The following PHKB variants were observed in gnomAD, a reference collection of about 807,000 sequenced individuals.
The protein encoded by PHKB is phosphorylase kinase regulatory subunit beta, also known as phosphorylase b kinase regulatory subunit beta.
PHKB carries 122 observed loss-of-function variants against 152.1 expected under a neutral mutation model. That is an observed-to-expected ratio of 0.80 (90% CI 0.69 to 0.93). PHKB has a LOEUF of 0.93. Among genes scored for constraint, PHKB ranks in the 40% least tolerant of loss-of-function variants. The pLI, the probability that PHKB is intolerant of heterozygous loss-of-function variation, is 0.00. For synonymous variants in PHKB, 436 were observed against 464.9 expected, an observed-to-expected ratio of 0.94 and a Z score of 0.80; for missense variants, 1,304 against 1,328.4, an observed-to-expected ratio of 0.98 and a Z score of 0.29.
Position 47,587,655 on chromosome 16 carries a change from T to C in PHKB, c.775-13T>C. On this transcript the variant is annotated splice_polypyrimidine_tract_variant and intron_variant, in intron 8 of 30. Coordinates refer to ENST00000323584, the MANE Select transcript of PHKB (RefSeq NM_000293.3). ...TCTTAATTTAGGAAATGTTTTTCTTTTTCTCTGTCCAGGGCTGTTCGTGGT... is the reference window on the plus strand; with the variant it reads ...TCTTAATTTAGGAAATGTTTTTCTTCTTCTCTGTCCAGGGCTGTTCGTGGT... 2 of 1,603,210 alleles carry C rather than the reference T, an allele frequency of 1.2e-6. No individual in the cohort carries two copies. Among genetic ancestry groups the C allele is most frequent in the Non-Finnish European group, 1.7e-6 (2 of 1,170,604 alleles).
At chr16:47,504,126 G>A (rs962448698) in intron 4 of PHKB, among the ~76,000 whole-genome samples, 8 of 152,182 alleles carry the variant, frequency 5.3e-5, no homozygotes, top group Non-Finnish European at 1.0e-4. Flanking sequence ...AGGAGACAAA[G>A]CATAATCAGC....
chr16:47,602,542 C>CTTTTTTTT (rs34655174), intron 13 of PHKB, among the ~76,000 whole-genome samples: 494 of 122,500 alleles, frequency 4.0e-3, no homozygotes, highest in African/African-American at 5.6e-3. Context: ...GCTTCTCTTC[C>CTTTTTTTT]TTTTTTTTTT....
At chr16:47,587,430 A>G (rs1024071104) in intron 8 of PHKB, among the ~76,000 whole-genome samples, 5 of 152,208 alleles carry the variant, frequency 3.3e-5, no homozygotes, top group Non-Finnish European at 1.5e-5. Flanking sequence ...TTGATTTATA[A>G]GAAAGTCAAG....
chr16:47,629,299 T>C (rs1216811221), intron 14 of PHKB, among the ~76,000 whole-genome samples: 2 of 151,846 alleles, frequency 1.3e-5, no homozygotes, highest in Non-Finnish European at 2.9e-5. Flanking sequence ...ATATCCAGAA[T>C]CTACAATGAA....
At chr16:47,596,664 T>G in intron 13 of PHKB, 133 bp downstream of exon 13, 2 of 753,190 alleles carry the variant, frequency 2.7e-6, no homozygotes, top group Non-Finnish European at 4.6e-6. Flanking sequence ...GGGAGTTTCC[T>G]AGTATCTAGT....
At chr16:47,695,291 T>C (rs996337216) in intron 28 of PHKB, among the ~76,000 whole-genome samples, 4 of 152,244 alleles carry the variant, frequency 2.6e-5, no homozygotes, top group African/African-American at 9.6e-5. Context: ...AAAAAATTAA[T>C]GTGAAACCAA....
chr16:47,690,233 C>T (rs1974036300), intron 27 of PHKB, among the ~76,000 whole-genome samples: 1 of 152,078 alleles, frequency 6.6e-6, no homozygotes, highest in South Asian at 2.1e-4. Flanking sequence ...TATAATCACA[C>T]CTGTAGTTTA....
chr16:47,557,292 C>G (rs1302451550), intron 7 of PHKB, among the ~76,000 whole-genome samples: 3 of 141,878 alleles, frequency 2.1e-5, no homozygotes, highest in Non-Finnish European at 4.6e-5. Flanking sequence ...AGAAGAAAAC[C>G]TAGGCATTAC....
intron 14 of PHKB, among the ~76,000 whole-genome samples, chr16:47,636,938 C>T (rs1972931855): frequency 6.6e-6 from 1 of 152,168 alleles, no homozygotes; most frequent in South Asian, 2.1e-4. Context: ...TCCGGGCCCA[C>T]CCATGGCCGC....
intron 10 of PHKB, chr16:47,590,925 C>G (rs1010260481): frequency 6.6e-6 from 1 of 152,172 alleles, no homozygotes; most frequent in African/African-American, 2.4e-5. Context: ...TACTTGATAG[C>G]CTTTCATTTC....
chr16:47,645,154 G>T (rs1027748223), intron 16 of PHKB, among the ~76,000 whole-genome samples: 6 of 151,494 alleles, frequency 4.0e-5, no homozygotes, highest in African/African-American at 1.5e-4. Context: ...TTTCTCCCAT[G>T]TTGTAGGTTG....
At chr16:47,554,708 C>T (rs954583725) in intron 7 of PHKB, among the ~76,000 whole-genome samples, 1 of 152,180 alleles carries the variant, frequency 6.6e-6, no homozygotes, top group Non-Finnish European at 1.5e-5. Flanking sequence ...AGTGTAGTAT[C>T]TGGGCCAGAT....
Position 47,538,787 on chromosome 16 carries a change from C to G in PHKB, c.595-8646C>G, listed in dbSNP as rs566988730. ...GTTTCCTCTGCTTTGATTTCTCCACCAGTTCCCTCCCATGTGCTTTCTCCC... is the reference window on the plus strand; with the variant it reads ...GTTTCCTCTGCTTTGATTTCTCCACGAGTTCCCTCCCATGTGCTTTCTCCC... On this transcript the variant is annotated intron_variant, in intron 6 of 30. Coordinates refer to ENST00000323584, the MANE Select transcript of PHKB (RefSeq NM_000293.3). 1.3e-3 allele frequency among the ~76,000 whole-genome samples: 201 copies of G among 152,192 alleles called. 5 individuals carry two copies. The highest frequency in any genetic ancestry group is 2.8e-4 in the Non-Finnish European group (19 of 68,032).
rs1018352236 is a variant in PHKB, at chr16:47,701,415, C to CT, written c.*2050dup. On this transcript the variant is annotated 3_prime_UTR_variant, in exon 31 of 31. Transcript: ENST00000323584. Reference sequence around the variant, plus strand: ...ATTCTGAAGTTTTCCTGTGCTACTCCTGAAAGCATTCAGAATCTGTGACAC... The same window carrying CT: ...ATTCTGAAGTTTTCCTGTGCTACTCCTTGAAAGCATTCAGAATCTGTGACAC... 2 of 152,158 alleles carry CT rather than the reference C, an allele frequency of 1.3e-5. No homozygotes were observed. Among genetic ancestry groups the CT allele is most frequent in the Admixed American group, 1.3e-4 (2 of 15,282 alleles). The allele number at this position is 152,158 out of a possible 1,614,324, so 9.4% of individuals were successfully genotyped here.
At chr16:47,545,450 G>C (rs1260718564) in intron 6 of PHKB, among the ~76,000 whole-genome samples, 1 of 152,174 alleles carries the variant, frequency 6.6e-6, no homozygotes, top group Non-Finnish European at 1.5e-5. Context: ...TATGGTTTCT[G>C]CCGTGAGGTC....
intron 16 of PHKB, among the ~76,000 whole-genome samples, chr16:47,648,183 G>C (rs561642418): frequency 1.3e-5 from 2 of 151,992 alleles, no homozygotes; most frequent in Non-Finnish European, 2.9e-5. Flanking sequence ...TATGGCCCTC[G>C]TTTTTAAAAT....
chr16:47,691,535 T>G (rs1331784705), intron 27 of PHKB, among the ~76,000 whole-genome samples: 1 of 151,960 alleles, frequency 6.6e-6, no homozygotes, highest in Non-Finnish European at 1.5e-5. Flanking sequence ...CAAGACCCCA[T>G]CTCTACAAAA....
intron 7 of PHKB, among the ~76,000 whole-genome samples, chr16:47,551,489 A>G (rs150593955): frequency 6.6e-6 from 1 of 152,294 alleles, no homozygotes; most frequent in East Asian, 1.9e-4. Flanking sequence ...GTCATTCAGG[A>G]GCAAGTTCTT....
intron 16 of PHKB, 108 bp downstream of exon 16, chr16:47,641,800 G>T: frequency 1.4e-6 from 1 of 719,614 alleles, no homozygotes; most frequent in East Asian, 2.7e-5. Flanking sequence ...TTCTGATATA[G>T]GACCAGTAAT....
Sources: gnomAD v4.1 joint callset for allele counts (sites outside exome capture counted in the v4.1 genomes callset) on GRCh38, gnomAD v4.1.1 for gene constraint, MANE v1.5 for transcripts, NCBI Gene and HGNC (gene_info 2026-07-23, HGNC 2026-07-21) for gene names.